The following MESP1 variants were observed in gnomAD, a reference collection of about 807,000 sequenced individuals.
MESP1 encodes mesoderm posterior protein 1.
Under a neutral mutation model 15.2 loss-of-function variants are expected in MESP1, and 22 were observed. That is an observed-to-expected ratio of 1.45 (90% CI 1.04 to 2.07). The LOEUF (loss-of-function observed/expected upper bound fraction) is 2.07, where lower values mean the gene tolerates loss of function less well. MESP1 is among the 30% of genes most tolerant of loss of function. MESP1 has a pLI of 0.00. For missense variants in MESP1, 484 were observed against 411.9 expected (o/e 1.17, Z -1.51); for synonymous variants, 216 against 192.6 (o/e 1.12, Z -1.01).
downstream of MESP1, among the ~76,000 whole-genome samples, chr15:89,746,350 T>C (rs1186665716): frequency 8.2e-6 from 1 of 122,164 alleles, no homozygotes; most frequent in African/African-American, 3.7e-5. Flanking sequence ...CATCCACACA[T>C]CCACACATCC....
Position 89,751,136 on chromosome 15 carries a change from G to T in MESP1, c.96C>A (p.Cys32Ter). Residue 32 changes from cysteine (C) to a stop codon, truncating the protein, a stop_gained, in exon 1 of 2, where the codon TGC (cysteine) becomes TGA (stop). Transcript: ENST00000300057. LOFTEE classifies it high-confidence loss of function. ...TRRPPPSDKD[C>*]GRSLVSSPDS... ...CTGGGGACGAGACGAGGGAGCGGCC[G>T]CAGTCCTTGTCGGAGGGCGGCGGCC... 7.8e-7 allele frequency: 1 copy of T among 1,276,800 alleles called. No individual in the cohort carries two copies. 79.1% of individuals were successfully genotyped at this position (1,276,800 alleles called of 1,614,324 possible).
chr15:89,733,187 C>A, the MESP1 span: 10 of 1,613,980 alleles, frequency 6.2e-6, no homozygotes, highest in Non-Finnish European at 6.8e-6. Flanking sequence ...CTAGCGGGAC[C>A]CAAGGACCCA....
chr15:89,736,886 G>A, the MESP1 span, among the ~76,000 whole-genome samples: 1 of 151,930 alleles, frequency 6.6e-6, no homozygotes. Context: ...CTGCCTCCCG[G>A]GTTCACACCA....
At chr15:89,732,792 A>C in the MESP1 span, among the ~76,000 whole-genome samples, 1 of 151,614 alleles carries the variant, frequency 6.6e-6, no homozygotes, top group African/African-American at 2.4e-5. Context: ...CCCCCTCCCC[A>C]ATTCCTCTCC....
At chr15:89,735,857 C>T in the MESP1 span, among the ~76,000 whole-genome samples, 3 of 152,112 alleles carry the variant, frequency 2.0e-5, no homozygotes, top group East Asian at 5.8e-4. Context: ...AAGTTGGCAG[C>T]AGGGGAGGAC....
chr15:89,734,079 G>A, the MESP1 span, among the ~76,000 whole-genome samples: 15 of 152,160 alleles, frequency 9.9e-5, no homozygotes, highest in South Asian at 1.0e-3. Flanking sequence ...CCCTGAAACC[G>A]TTGGAAATCG....
At chr15:89,732,505 A>G in the MESP1 span, among the ~76,000 whole-genome samples, 2,512 of 152,344 alleles carry the variant, frequency 0.016, 82 homozygotes, top group African/African-American at 0.057. Flanking sequence ...CAGCATTATT[A>G]TAGAAGCAAA....
chr15:89,747,101 T>TAC (rs539868537), downstream of MESP1, among the ~76,000 whole-genome samples: 703 of 127,540 alleles, frequency 5.5e-3, 5 homozygotes, highest in East Asian at 0.051. Flanking sequence ...CACTGCCACA[T>TAC]ACACACACAC....
Position 89,750,510 on chromosome 15 carries a change from G to A in MESP1, c.722C>T (p.Pro241Leu). The change falls in exon 1 of 2, where the codon CCG becomes CTG. Residue 241 changes from proline (P) to leucine (L), a missense_variant and splice_region_variant. By Grantham distance (98) the Pro-to-Leu change is moderately conservative. Coordinates refer to ENST00000300057, the MANE Select transcript of MESP1 (RefSeq NM_018670.4). ...GGGCGCGGGGAAGGGGACACTAACCGGGGACGGTGGGCTTGGCTCCATCGC... is the reference window on the plus strand; with the variant it reads ...GGGCGCGGGGAAGGGGACACTAACCAGGGACGGTGGGCTTGGCTCCATCGC... ...GQAMEPSPPS[P>L]LLPGDVLALL... 3.3e-6 allele frequency: 5 copies of A among 1,500,902 alleles called. No homozygotes were observed. The highest frequency in any genetic ancestry group is 4.4e-6 in the Non-Finnish European group (5 of 1,133,026). The allele number at this position is 1,500,902 out of a possible 1,614,324, so 93.0% of individuals were successfully genotyped here. A position where few individuals can be genotyped will look rare whatever the true frequency, so the allele number is the denominator to read the frequency against.
chr15:89,742,306 C>A, the MESP1 span, among the ~76,000 whole-genome samples: 83 of 152,056 alleles, frequency 5.5e-4, no homozygotes, highest in Non-Finnish European at 2.9e-5. Flanking sequence ...CAAAACAAAT[C>A]AAAGCTATGG....
chr15:89,748,659 G>C (rs1385286131), downstream of MESP1: 1 of 152,206 alleles, frequency 6.6e-6, no homozygotes, highest in East Asian at 1.9e-4. Flanking sequence ...GACACAAAAG[G>C]CCGTATTTTG....
At chr15:89,747,215 C>T (rs565204321), downstream of MESP1, among the ~76,000 whole-genome samples, 8 of 152,166 alleles carry the variant, frequency 5.3e-5, no homozygotes, top group South Asian at 2.1e-4. Flanking sequence ...GTTGGCCCGT[C>T]CCCAGGGGCT....
At chr15:89,741,972 C>T in the MESP1 span, among the ~76,000 whole-genome samples, 3 of 152,266 alleles carry the variant, frequency 2.0e-5, no homozygotes, top group Non-Finnish European at 2.9e-5. Context: ...AGGATGGTAT[C>T]GATCTCTTGA....
Position 89,751,065 on chromosome 15 carries a change from G to C in MESP1, c.167C>G (p.Ala56Gly). The C allele has an allele frequency of 8.1e-7, 1 of 1,239,370 alleles. No homozygotes were observed. The highest frequency in any genetic ancestry group is 2.4e-5 in the South Asian group (1 of 42,326). 76.8% of individuals were successfully genotyped at this position (1,239,370 alleles called of 1,614,324 possible). A position where few individuals can be genotyped will look rare whatever the true frequency, so the allele number is the denominator to read the frequency against. Residue 56 changes from alanine (A) to glycine (G), a missense_variant, in exon 1 of 2, where the codon GCG becomes GGG. Physicochemically the swap from Ala to Gly is moderately conservative, Grantham distance 60 (BLOSUM62 0). Transcript: ENST00000300057. ...TPADSPVASP[A>G]RPGTLRDPRA... ...GGGGTCCCGGAGGGTGCCTGGCCGC[G>C]CGGGGCTCGCCACGGGGCTGTCGGC...
At chr15:89,748,720 G>C (rs1968022060), downstream of MESP1, 1 of 152,224 alleles carries the variant, frequency 6.6e-6, no homozygotes, top group South Asian at 2.1e-4. Context: ...TAGAGACAGA[G>C]ACTAGAAGAG....
At chr15:89,748,249 G>A (rs1350963699), downstream of MESP1, among the ~76,000 whole-genome samples, 1 of 152,022 alleles carries the variant, frequency 6.6e-6, no homozygotes, top group Non-Finnish European at 1.5e-5. Context: ...CCCCAGTTAG[G>A]GTCCTGGGAG....
rs1289130525 is a variant in MESP1, at chr15:89,750,901, G to A, written c.331C>T (p.Pro111Ser). 2 of 1,487,822 alleles carry A rather than the reference G, an allele frequency of 1.3e-6. No individual in the cohort carries two copies. Among genetic ancestry groups the A allele is most frequent in the African/African-American group, 2.9e-5 (2 of 68,932 alleles). 92.2% of individuals were successfully genotyped at this position (1,487,822 alleles called of 1,614,324 possible). A position where few individuals can be genotyped will look rare whatever the true frequency, so the allele number is the denominator to read the frequency against. Residue 111 changes from proline (P) to serine (S), a missense_variant, in exon 1 of 2, where the codon CCG (proline) becomes TCG (serine). Pro to Ser is a moderately conservative substitution (Grantham distance 74, BLOSUM62 -1). Coordinates refer to ENST00000300057, the MANE Select transcript of MESP1 (RefSeq NM_018670.4). The stretch of plus-strand genomic sequence containing the variant: ...CTCTGGCCCGCGGGCGCCACGGACG[G>A]CGGTAGAAAGCGGCGCAGCTCGTGC... ...ALHELRRFLP[P>S]SVAPAGQSLT...
the MESP1 span, among the ~76,000 whole-genome samples, chr15:89,739,242 C>A: frequency 1.3e-5 from 2 of 152,154 alleles, no homozygotes; most frequent in Admixed American, 6.6e-5. Flanking sequence ...TATTTGAACA[C>A]AGCCGTGCCC....
the MESP1 span, chr15:89,737,569 C>T: frequency 1.9e-6 from 3 of 1,614,166 alleles, no homozygotes; most frequent in Non-Finnish European, 1.7e-6. Context: ...TCTTTGCTTC[C>T]CAGGTGCTCA....
Sources: allele counts gnomAD v4.1 joint callset (sites outside exome capture counted in the v4.1 genomes callset), GRCh38; gene constraint gnomAD v4.1.1; transcripts MANE v1.5; gene names NCBI Gene and HGNC (gene_info 2026-07-23, HGNC 2026-07-21).